Variants in ATP11A observed in about 807,000 individuals in gnomAD.
ATP11A encodes the protein phospholipid-transporting ATPase IH.
In ATP11A, 81 loss-of-function variants were observed where a neutral mutation model predicts 154.4. The ratio of observed to expected loss-of-function variants is 0.52; its 90% confidence interval spans 0.44 to 0.63. The LOEUF is 0.63. Among genes scored for constraint, ATP11A ranks in the 30% least tolerant of loss-of-function variants. The probability of loss-of-function intolerance (pLI) is 0.00; values close to 1 mark genes in which losing one functional copy is unlikely to be tolerated. For synonymous variants in ATP11A, 623 were observed against 585.9 expected, an observed-to-expected ratio of 1.06 and a Z score of -0.91; for missense variants, 1,316 against 1,474.3, an observed-to-expected ratio of 0.89 and a Z score of 1.76.
chr13:112,820,386 A>G (rs1189580449), intron 8 of ATP11A, among the ~76,000 whole-genome samples: 1 of 152,216 alleles, frequency 6.6e-6, no homozygotes, highest in Non-Finnish European at 1.5e-5. Context: ...TCTGGGGTGC[A>G]TTACTGGCTC....
intron 8 of ATP11A, among the ~76,000 whole-genome samples, chr13:112,822,083 A>G (rs1427651442): frequency 6.6e-6 from 1 of 152,240 alleles, no homozygotes; most frequent in African/African-American, 2.4e-5. Flanking sequence ...CATAATATTC[A>G]GTAGGTTCTT....
intron 1 of ATP11A, among the ~76,000 whole-genome samples, chr13:112,772,879 CTATTTT>C (rs769007337): frequency 6.6e-6 from 1 of 152,234 alleles, no homozygotes; most frequent in Non-Finnish European, 1.5e-5. Flanking sequence ...CTTGTCTTTT[CTATTTT>C]TGAGTTTGAA....
At chr13:112,839,427 G>A (rs569201902) in intron 16 of ATP11A, among the ~76,000 whole-genome samples, 14 of 152,092 alleles carry the variant, frequency 9.2e-5, no homozygotes, top group African/African-American at 3.1e-4. Context: ...TTGCTGTCAC[G>A]CCTGGCTTTC....
At chr13:112,724,942 G>A (rs573976941) in intron 1 of ATP11A, among the ~76,000 whole-genome samples, 19 of 152,170 alleles carry the variant, frequency 1.2e-4, no homozygotes, top group Non-Finnish European at 2.5e-4. Flanking sequence ...CCACCCCTGC[G>A]GCCATGCCTG....
chr13:112,713,678 C>A (rs1434179478), intron 1 of ATP11A, among the ~76,000 whole-genome samples: 1 of 152,116 alleles, frequency 6.6e-6, no homozygotes, highest in Non-Finnish European at 1.5e-5. Flanking sequence ...ATTTCACTCG[C>A]GGTTTAATTT....
At chr13:112,819,830 TG>T in intron 7 of ATP11A, 69 bp from the exon 8 acceptor site, 1 of 1,549,112 alleles carries the variant, frequency 6.5e-7, no homozygotes. Flanking sequence ...AGAAGGCAGG[TG>T]GGCCAGGCGC....
At chr13:112,823,935 A>T (rs1027166180) in intron 9 of ATP11A, among the ~76,000 whole-genome samples, 1 of 152,164 alleles carries the variant, frequency 6.6e-6, no homozygotes, top group Non-Finnish European at 1.5e-5. Flanking sequence ...AGTTCACATC[A>T]TCTTAGATTA....
intron 9 of ATP11A, among the ~76,000 whole-genome samples, chr13:112,824,136 A>C (rs1421928511): frequency 6.6e-6 from 1 of 152,126 alleles, no homozygotes; most frequent in East Asian, 1.9e-4. Flanking sequence ...TTAAAAAATG[A>C]AGCATAGATT....
intron 1 of ATP11A, among the ~76,000 whole-genome samples, chr13:112,712,718 T>C (rs1887908045): frequency 1.3e-5 from 2 of 152,040 alleles, no homozygotes; most frequent in African/African-American, 4.8e-5. Context: ...CGGACCACAG[T>C]CGGTGAGGTG....
chr13:112,756,453 G>T (rs568356223), intron 1 of ATP11A, among the ~76,000 whole-genome samples: 120 of 152,302 alleles, frequency 7.9e-4, no homozygotes, highest in African/African-American at 2.7e-3. Context: ...TCTGCCTTCT[G>T]CCCAGAGTGT....
chr13:112,775,827 G>T (rs550817954), intron 1 of ATP11A, among the ~76,000 whole-genome samples: 18 of 152,274 alleles, frequency 1.2e-4, no homozygotes, highest in Non-Finnish European at 2.5e-4. Context: ...CGGCCCTGGC[G>T]CAGGGCGGGC....
In ATP11A at chr13:112,859,554, C is replaced by T. The variant is rs2080038957; in HGVS notation, c.2727+102C>T. ...GGGAGACTTGGGAATGAGCAGCACT[C>T]CCCGGCACCACGAGGGAGCCAGGGT... On this transcript the variant is annotated intron_variant, in intron 23 of 29. Transcript: ENST00000375645. The surrounding 1 kb of genome is among the most constrained non-coding windows in gnomAD (Gnocchi z 4.3). 2.0e-6 allele frequency: 2 copies of T among 1,021,350 alleles called. No homozygotes were observed. The highest frequency in any genetic ancestry group is 2.4e-5 in the East Asian group (1 of 41,850). 63.3% of individuals were successfully genotyped at this position (1,021,350 alleles called of 1,614,324 possible).
intron 24 of ATP11A, 136 bp from the exon 25 acceptor site, chr13:112,862,304 C>A: frequency 2.8e-6 from 3 of 1,053,116 alleles, no homozygotes; most frequent in Non-Finnish European, 2.7e-6. Context: ...GTGGCCAGAG[C>A]ACAAACTTGA....
At chr13:112,826,068 G>T (rs1205871978) in intron 11 of ATP11A, among the ~76,000 whole-genome samples, 1 of 151,906 alleles carries the variant, frequency 6.6e-6, no homozygotes, top group Non-Finnish European at 1.5e-5. Context: ...TATCCACTGA[G>T]CCTATAGCAG....
At chr13:112,810,984 A>G (rs1331387347) in intron 5 of ATP11A, among the ~76,000 whole-genome samples, 1 of 151,806 alleles carries the variant, frequency 6.6e-6, no homozygotes, top group Non-Finnish European at 1.5e-5. Context: ...AATGTTTTTA[A>G]GTTTTTATTT....
At chr13:112,757,002 A>G (rs2076856690) in intron 1 of ATP11A, among the ~76,000 whole-genome samples, 1 of 152,230 alleles carries the variant, frequency 6.6e-6, no homozygotes, top group Non-Finnish European at 1.5e-5. Flanking sequence ...TATTTGAAGA[A>G]TTAGCTTTCT....
chr13:112,829,439 C>T (rs955972765), intron 12 of ATP11A, among the ~76,000 whole-genome samples: 1 of 152,210 alleles, frequency 6.6e-6, no homozygotes, highest in South Asian at 2.1e-4. Flanking sequence ...TAGTGCATTA[C>T]GTCTGCAAAA....
At chr13:112,880,872 C>G in intron 29 of ATP11A, 1 of 1,038,870 alleles carries the variant, frequency 9.6e-7, no homozygotes, top group Middle Eastern at 4.0e-4. Context: ...TGTGCACACT[C>G]ACCCCACACG....
intron 29 of ATP11A, chr13:112,881,429 A>G: frequency 9.5e-7 from 1 of 1,048,838 alleles, no homozygotes; most frequent in Non-Finnish European, 1.2e-6. Flanking sequence ...CTTTTGTTCA[A>G]GGGTCTCTGG....
Sources: allele counts gnomAD v4.1 joint callset (sites outside exome capture counted in the v4.1 genomes callset), GRCh38; gene constraint gnomAD v4.1.1; non-coding constraint Gnocchi (gnomAD v3.1); transcripts MANE v1.5; gene names NCBI Gene and HGNC (gene_info 2026-07-23, HGNC 2026-07-21).